HHAT: variants seen among roughly 807,000 people sequenced by gnomAD.
The protein encoded by HHAT is protein-cysteine N-palmitoyltransferase HHAT.
HHAT carries 47 observed loss-of-function variants against 70.8 expected under a neutral mutation model. The observed-to-expected ratio is 0.66, with a 90% CI of 0.53 to 0.85. The LOEUF is 0.85. Ranked by LOEUF, HHAT falls within the 40% of genes least tolerant of loss-of-function variation. HHAT has a pLI of 0.00. For missense variants in HHAT, 609 were observed against 604.8 expected, an observed-to-expected ratio of 1.01 and a Z score of -0.07; for synonymous variants, 228 against 247.6, an observed-to-expected ratio of 0.92 and a Z score of 0.74.
chr1:210,424,757 G>A (rs190620629), intron 7 of HHAT, among the ~76,000 whole-genome samples: 3 of 152,160 alleles, frequency 2.0e-5, no homozygotes, highest in African/African-American at 7.2e-5. Context: ...TCATTGATGG[G>A]CATTTAGGTT....
At chr1:210,443,091 T>C (rs1348664942) in intron 7 of HHAT, among the ~76,000 whole-genome samples, 1 of 152,226 alleles carries the variant, frequency 6.6e-6, no homozygotes, top group African/African-American at 2.4e-5. Context: ...GCACCATTTA[T>C]TAAACAGGGA....
In HHAT at chr1:210,535,040, C is replaced by T. The variant is rs1053066956; in HGVS notation, c.1043+21852C>T. ...TGGCTTTGCATCCACATTTTCTTAACCAGGCTTCCTGACCAGCCTCTGCTT... is the reference window on the plus strand; with the variant it reads ...TGGCTTTGCATCCACATTTTCTTAATCAGGCTTCCTGACCAGCCTCTGCTT... On this transcript the variant is annotated intron_variant, in intron 9 of 11. Coordinates refer to ENST00000261458, the MANE Select transcript of HHAT (RefSeq NM_018194.6). 5.9e-5 allele frequency among the ~76,000 whole-genome samples: 9 copies of T among 152,108 alleles called. 1 individual carries two copies. Among genetic ancestry groups the T allele is most frequent in the Admixed American group, 3.3e-4 (5 of 15,270 alleles).
At chr1:210,384,760 ATGT>A (rs2090914310) in intron 3 of HHAT, among the ~76,000 whole-genome samples, 2 of 152,162 alleles carry the variant, frequency 1.3e-5, no homozygotes, top group Admixed American at 6.5e-5. Flanking sequence ...ACAGATCATG[ATGT>A]TGTTCCTGAT....
chr1:210,328,788 A>C (rs2084720316), upstream of HHAT: 1 of 359,728 alleles, frequency 2.8e-6, no homozygotes, highest in Admixed American at 4.7e-5. Context: ...CGGCGGGGCA[A>C]ACGCGGTTCA....
chr1:210,602,252 G>T (rs1664449404), intron 10 of HHAT, among the ~76,000 whole-genome samples: 1 of 152,118 alleles, frequency 6.6e-6, no homozygotes, highest in Non-Finnish European at 1.5e-5. Context: ...CAGATGGAGA[G>T]GTGAGATGTG....
At chr1:210,517,214 T>C (rs1346465336) in intron 9 of HHAT, among the ~76,000 whole-genome samples, 2 of 152,228 alleles carry the variant, frequency 1.3e-5, no homozygotes, top group Non-Finnish European at 2.9e-5. Context: ...AAATTTAGCT[T>C]AGTTTAGCTT....
intron 11 of HHAT, among the ~76,000 whole-genome samples, chr1:210,673,588 CTTT>C (rs71571962): frequency 1.8e-4 from 26 of 140,864 alleles, no homozygotes; most frequent in Non-Finnish European, 2.1e-4. Context: ...GTGGATTCTT[CTTT>C]TTTTTTTTTT....
intron 10 of HHAT, among the ~76,000 whole-genome samples, chr1:210,616,453 G>A (rs1177891049): frequency 6.6e-6 from 1 of 152,024 alleles, no homozygotes; most frequent in Non-Finnish European, 1.5e-5. Context: ...TACTATACTT[G>A]TGGATCCCAG....
intron 11 of HHAT, among the ~76,000 whole-genome samples, chr1:210,660,095 T>C (rs1303562936): frequency 6.6e-6 from 1 of 152,102 alleles, no homozygotes; most frequent in Non-Finnish European, 1.5e-5. Context: ...AAATAAAGGG[T>C]ATTCAATTAG....
intron 2 of HHAT, among the ~76,000 whole-genome samples, chr1:210,353,489 A>C (rs1322943951): frequency 5.4e-5 from 7 of 130,394 alleles, no homozygotes. Flanking sequence ...GTCTTTGACT[A>C]TTTCAGTTTA....
chr1:210,463,046 C>CTA (rs1028732176), intron 7 of HHAT: 2 of 152,104 alleles, frequency 1.3e-5, no homozygotes, highest in Admixed American at 1.3e-4. Flanking sequence ...GAGGTTCCTT[C>CTA]TAGGCTTGGC....
intron 2 of HHAT, 93 bp from the exon 3 acceptor site, chr1:210,362,759 G>C: frequency 9.8e-7 from 1 of 1,018,700 alleles, no homozygotes. Context: ...TGCTTTTCCA[G>C]GACATAGTCC....
intron 9 of HHAT, among the ~76,000 whole-genome samples, chr1:210,532,461 C>T (rs1327872353): frequency 6.6e-6 from 1 of 152,210 alleles, no homozygotes; most frequent in African/African-American, 2.4e-5. Context: ...AGGAAAGTCA[C>T]TTCCCATTTC....
At chr1:210,522,332 C>T (rs1225511205) in intron 9 of HHAT, among the ~76,000 whole-genome samples, 1 of 152,202 alleles carries the variant, frequency 6.6e-6, no homozygotes, top group Non-Finnish European at 1.5e-5. Context: ...TTCTTTTAAA[C>T]TTTTCTTTGA....
intron 7 of HHAT, among the ~76,000 whole-genome samples, chr1:210,420,239 G>A (rs139523481): frequency 3.6e-3 from 548 of 152,056 alleles, no homozygotes; most frequent in African/African-American, 0.012. Context: ...ATAGATTCAT[G>A]CTTGTTATGT....
At chr1:210,512,690 A>G (rs1045553183) in intron 8 of HHAT, among the ~76,000 whole-genome samples, 1 of 137,916 alleles carries the variant, frequency 7.3e-6, no homozygotes, top group East Asian at 2.2e-4. Flanking sequence ...AAAAAAAAAA[A>G]CCCATATATA....
At chr1:210,458,078 T>TA (rs1398406136) in intron 7 of HHAT, among the ~76,000 whole-genome samples, 5 of 152,152 alleles carry the variant, frequency 3.3e-5, no homozygotes. Flanking sequence ...AATTTATATG[T>TA]AGAGAAGGTA....
At chr1:210,378,104 A>G (rs2090366216) in intron 3 of HHAT, among the ~76,000 whole-genome samples, 1 of 152,242 alleles carries the variant, frequency 6.6e-6, no homozygotes, top group Non-Finnish European at 1.5e-5. Context: ...TTGCTCAATG[A>G]ATCATTAGCC....
intron 11 of HHAT, among the ~76,000 whole-genome samples, chr1:210,628,795 A>ACTGGAGT (rs1199638370): frequency 6.6e-6 from 1 of 152,220 alleles, no homozygotes; most frequent in Non-Finnish European, 1.5e-5. Flanking sequence ...TTAAAGCTGA[A>ACTGGAGT]CTGGAGTATT....
Sources: gnomAD v4.1 joint callset for allele counts (sites outside exome capture counted in the v4.1 genomes callset) on GRCh38, gnomAD v4.1.1 for gene constraint, MANE v1.5 for transcripts, NCBI Gene and HGNC (gene_info 2026-07-23, HGNC 2026-07-21) for gene names.